The following ERG variants were observed in gnomAD, a reference collection of about 807,000 sequenced individuals.
The protein encoded by ERG is transcriptional regulator ERG.
ERG carries 9 observed loss-of-function variants against 55.3 expected under a neutral mutation model. That is an observed-to-expected ratio of 0.16 (90% CI 0.10 to 0.28). ERG has a LOEUF of 0.28. ERG is among the 10% of genes least tolerant of loss of function. The pLI, the probability that ERG is intolerant of heterozygous loss-of-function variation, is 1.00. For missense variants in ERG, 434 were observed against 631.6 expected (o/e 0.69, Z 3.35); for synonymous variants, 223 against 237.3 (o/e 0.94, Z 0.55).
chr21:38,636,554 T>C (rs1473873001), intron 1 of ERG, among the ~76,000 whole-genome samples: 1 of 152,198 alleles, frequency 6.6e-6, no homozygotes, highest in African/African-American at 2.4e-5. Flanking sequence ...AGCCAAGGAA[T>C]GAAGCACCTG....
At chr21:38,532,433 C>A (rs1279577682) in intron 2 of ERG, among the ~76,000 whole-genome samples, 1 of 151,846 alleles carries the variant, frequency 6.6e-6, no homozygotes, top group Non-Finnish European at 1.5e-5. Context: ...ACGAAAGTTA[C>A]TTCACAAAAC....
intron 1 of ERG, among the ~76,000 whole-genome samples, chr21:38,654,687 T>C (rs1345178970): frequency 1.3e-5 from 2 of 152,204 alleles, no homozygotes; most frequent in Non-Finnish European, 2.9e-5. Flanking sequence ...TGTAGTGAAG[T>C]AAGTTTTACT....
intron 1 of ERG, among the ~76,000 whole-genome samples, chr21:38,492,030 C>T (rs1325859914): frequency 1.3e-5 from 1 of 76,936 alleles, no homozygotes; most frequent in African/African-American, 3.0e-5. Context: ...TTTTCATTAT[C>T]CAATTATTTC....
intron 1 of ERG, among the ~76,000 whole-genome samples, chr21:38,620,859 G>C (rs1601322237): frequency 6.6e-6 from 1 of 152,228 alleles, no homozygotes; most frequent in East Asian, 1.9e-4. Context: ...TTGGAAAGTA[G>C]AATCTGTTTG....
chr21:38,445,709 T>TG (rs2058885943), intron 1 of ERG, 88 bp from the exon 2 acceptor site: 2 of 992,154 alleles, frequency 2.0e-6, no homozygotes. Context: ...CCTTTCTAAC[T>TG]GGGACCACAT....
At chr21:38,574,112 C>T (rs983127261) in intron 2 of ERG, among the ~76,000 whole-genome samples, 5 of 152,030 alleles carry the variant, frequency 3.3e-5, no homozygotes, top group Non-Finnish European at 5.9e-5. Context: ...TTTCAGTTGC[C>T]GTCCCTCACA....
intron 1 of ERG, among the ~76,000 whole-genome samples, chr21:38,469,684 A>C (rs1287110718): frequency 5.3e-5 from 8 of 152,196 alleles, no homozygotes; most frequent in Non-Finnish European, 7.3e-5. Context: ...AAAAACCCAG[A>C]ACTTCTAGGC....
chr21:38,430,364 G>A (rs912211429), intron 2 of ERG, among the ~76,000 whole-genome samples: 3 of 152,216 alleles, frequency 2.0e-5, no homozygotes, highest in Admixed American at 1.3e-4. Context: ...TCTGTGGGTT[G>A]TCTGTTTGCT....
intron 1 of ERG, among the ~76,000 whole-genome samples, chr21:38,636,316 C>CA (rs2060388361): frequency 6.6e-6 from 1 of 152,258 alleles, no homozygotes; most frequent in East Asian, 1.9e-4. Context: ...AACTAATACA[C>CA]AATAAATGCA....
chr21:38,610,612 G>A (rs1284717958), intron 1 of ERG, among the ~76,000 whole-genome samples: 1 of 152,212 alleles, frequency 6.6e-6, no homozygotes, highest in African/African-American at 2.4e-5. Flanking sequence ...ACTGAAGCAG[G>A]GGAGATTGAA....
At chr21:38,417,979 C>T (rs985447116) in intron 3 of ERG, among the ~76,000 whole-genome samples, 33 of 152,156 alleles carry the variant, frequency 2.2e-4, no homozygotes, top group African/African-American at 7.5e-4. Context: ...TGTTCACAGC[C>T]AACACCTAAA....
chr21:38,644,644 A>G (rs1340231120), intron 1 of ERG, among the ~76,000 whole-genome samples: 1 of 152,250 alleles, frequency 6.6e-6, no homozygotes, highest in Non-Finnish European at 1.5e-5. Context: ...AATTCTATTA[A>G]GACAAGGTTA....
chr21:38,423,941 A>G (rs1989676167), intron 2 of ERG, among the ~76,000 whole-genome samples: 1 of 152,128 alleles, frequency 6.6e-6, no homozygotes, highest in Non-Finnish European at 1.5e-5. Flanking sequence ...ATGCCACTGC[A>G]CTCCAGACTG....
intron 2 of ERG, among the ~76,000 whole-genome samples, chr21:38,425,642 G>A (rs1465702394): frequency 2.6e-5 from 4 of 152,136 alleles, no homozygotes; most frequent in Non-Finnish European, 5.9e-5. Flanking sequence ...CTTGGAATCT[G>A]GGAACCTTCG....
intron 9 of ERG, among the ~76,000 whole-genome samples, chr21:38,388,105 T>A (rs1987788554): frequency 6.6e-6 from 1 of 152,240 alleles, no homozygotes; most frequent in African/African-American, 2.4e-5. Context: ...CCTAGCCTGG[T>A]CTGTCGTTCT....
intron 1 of ERG, among the ~76,000 whole-genome samples, chr21:38,656,924 C>T (rs2060523023): frequency 6.6e-6 from 1 of 152,096 alleles, no homozygotes; most frequent in African/African-American, 2.4e-5. Flanking sequence ...GTAATAATTA[C>T]TGCAATAATG....
At chr21:38,650,462 C>A (rs2060482221) in intron 1 of ERG, among the ~76,000 whole-genome samples, 2 of 152,028 alleles carry the variant, frequency 1.3e-5, no homozygotes. Flanking sequence ...ATGGCGAAAC[C>A]CTGTCTCTAC....
intron 2 of ERG, among the ~76,000 whole-genome samples, chr21:38,439,821 G>A (rs953669858): frequency 1.1e-4 from 17 of 152,210 alleles, no homozygotes; most frequent in African/African-American, 1.7e-4. Context: ...TTGTAAGCAC[G>A]TTAGGACTGA....
chr21:38,526,382 T>C (rs1353870592), intron 2 of ERG, among the ~76,000 whole-genome samples: 2 of 152,208 alleles, frequency 1.3e-5, no homozygotes, highest in African/African-American at 2.4e-5. Context: ...CATAATTTTG[T>C]CTGAAGTAGT....
Sources: gnomAD v4.1 joint callset for allele counts (sites outside exome capture counted in the v4.1 genomes callset) on GRCh38, gnomAD v4.1.1 for gene constraint, MANE v1.5 for transcripts, NCBI Gene and HGNC (gene_info 2026-07-23, HGNC 2026-07-21) for gene names.